The following PTPRR variants were observed in gnomAD, a reference collection of about 807,000 sequenced individuals.
PTPRR encodes protein tyrosine phosphatase receptor type R, also known as receptor-type tyrosine-protein phosphatase R.
PTPRR carries 38 observed loss-of-function variants against 77.2 expected under a neutral mutation model. The observed-to-expected ratio is 0.49, with a 90% confidence interval of 0.38 to 0.65. The LOEUF is 0.65. Among genes scored for constraint, PTPRR ranks in the 30% least tolerant of loss-of-function variants. PTPRR has a pLI of 0.00. For synonymous variants in PTPRR, 299 were observed against 283.1 expected, an observed-to-expected ratio of 1.06 and a Z score of -0.57; for missense variants, 744 against 799.2, an observed-to-expected ratio of 0.93 and a Z score of 0.83.
chr12:70,914,515 A>G (rs1399747680), intron 1 of PTPRR, among the ~76,000 whole-genome samples: 2 of 152,216 alleles, frequency 1.3e-5, no homozygotes, highest in Admixed American at 6.5e-5. Flanking sequence ...TGAAACCTTT[A>G]AGATGAAAGT....
chr12:70,823,418 G>A (rs1396145627), intron 2 of PTPRR, among the ~76,000 whole-genome samples: 2 of 152,200 alleles, frequency 1.3e-5, no homozygotes, highest in African/African-American at 4.8e-5. Context: ...GGAAAGTAGA[G>A]CAAGTGATTA....
chr12:70,671,005 T>A (rs1022494818), intron 10 of PTPRR, among the ~76,000 whole-genome samples: 2 of 152,244 alleles, frequency 1.3e-5, no homozygotes, highest in Non-Finnish European at 1.5e-5. Context: ...ATTCATTTAT[T>A]TATTTGCTAG....
chr12:70,796,263 A>T lies in PTPRR; in HGVS notation c.358-31485T>A, dbSNP rs183603227. On this transcript the variant is annotated intron_variant, in intron 2 of 13. Coordinates refer to ENST00000283228, the MANE Select transcript of PTPRR (RefSeq NM_002849.4). ...TTTAATAACAGATAATCTGTCTTCCATTTCATTTGACTACCCTGACATAGG... is the reference window on the plus strand; with the variant it reads ...TTTAATAACAGATAATCTGTCTTCCTTTTCATTTGACTACCCTGACATAGG... 4.6e-5 allele frequency among the ~76,000 whole-genome samples: 7 copies of T among 152,030 alleles called. No homozygotes were observed. The East Asian group carries it at 1.4e-3, about 30-fold the overall frequency.
intron 6 of PTPRR, among the ~76,000 whole-genome samples, chr12:70,725,940 T>G (rs1300689615): frequency 2.6e-5 from 4 of 152,162 alleles, no homozygotes; most frequent in African/African-American, 9.7e-5. Context: ...GGGACATTAC[T>G]GCGCCTGTTG....
chr12:70,811,284 T>C (rs1011092842), intron 2 of PTPRR, among the ~76,000 whole-genome samples: 7 of 152,204 alleles, frequency 4.6e-5, no homozygotes, highest in Admixed American at 1.3e-4. Flanking sequence ...CTACATTTTA[T>C]GTGGATTTTA....
chr12:70,732,465 G>A (rs931899228), intron 6 of PTPRR, among the ~76,000 whole-genome samples: 1 of 152,228 alleles, frequency 6.6e-6, no homozygotes, highest in Non-Finnish European at 1.5e-5. Flanking sequence ...ACAGCTCCAA[G>A]GGGCTCCCTC....
In PTPRR at chr12:70,893,119, T is replaced by C. The variant is rs148758796; in HGVS notation, c.59-142A>G. The C allele has an allele frequency of 3.4e-3, 3,090 of 909,654 alleles. 18 individuals are homozygous for C. Among genetic ancestry groups the C allele is most frequent in the Non-Finnish European group, 3.9e-3 (2,425 of 616,880 alleles). The allele number at this position is 909,654 out of a possible 1,614,324, so 56.3% of individuals were successfully genotyped here. On this transcript the variant is annotated intron_variant, in intron 1 of 13. Transcript: ENST00000283228. ...AGGTTAGTCTCCATATTTCTTTGTCTGCTTCATGATCCTCAACAAATAGTA... is the reference window on the plus strand; with the variant it reads ...AGGTTAGTCTCCATATTTCTTTGTCCGCTTCATGATCCTCAACAAATAGTA...
chr12:70,855,045 T>C (rs1892630194), intron 2 of PTPRR, among the ~76,000 whole-genome samples: 1 of 152,184 alleles, frequency 6.6e-6, no homozygotes, highest in Non-Finnish European at 1.5e-5. Flanking sequence ...TTGCCTAAAG[T>C]CTTCCAAATT....
At chr12:70,770,565 C>A (rs1303713426) in intron 2 of PTPRR, among the ~76,000 whole-genome samples, 3 of 152,170 alleles carry the variant, frequency 2.0e-5, no homozygotes, top group African/African-American at 7.2e-5. Context: ...GTTGGTGGGA[C>A]TGTAAACTAG....
intron 8 of PTPRR, among the ~76,000 whole-genome samples, chr12:70,694,046 G>A (rs1359368893): frequency 6.6e-6 from 1 of 152,054 alleles, no homozygotes; most frequent in Non-Finnish European, 1.5e-5. Context: ...GATGGCATAG[G>A]GAGATTAAAT....
At chr12:70,645,037 A>G (rs895985272) in intron 13 of PTPRR, among the ~76,000 whole-genome samples, 1 of 152,194 alleles carries the variant, frequency 6.6e-6, no homozygotes, top group African/African-American at 2.4e-5. Context: ...GAATCAGAGC[A>G]TATCAATGTC....
At chr12:70,786,528 T>C (rs1239987749) in intron 2 of PTPRR, among the ~76,000 whole-genome samples, 1 of 152,214 alleles carries the variant, frequency 6.6e-6, no homozygotes, top group East Asian at 1.9e-4. Context: ...TCAATAGGAA[T>C]AGACTCTTTT....
intron 2 of PTPRR, among the ~76,000 whole-genome samples, chr12:70,796,937 G>A (rs1219773872): frequency 2.0e-5 from 3 of 152,088 alleles, no homozygotes; most frequent in South Asian, 2.1e-4. Flanking sequence ...AGAATCCCTC[G>A]AACCTAGGAG....
At chr12:70,813,293 C>A (rs1891842229) in intron 2 of PTPRR, among the ~76,000 whole-genome samples, 2 of 152,206 alleles carry the variant, frequency 1.3e-5, no homozygotes, top group South Asian at 4.1e-4. Flanking sequence ...ACCATCTTTG[C>A]AAAGCCTTCT....
chr12:70,899,561 G>T (rs1893495356), intron 1 of PTPRR, among the ~76,000 whole-genome samples: 1 of 151,344 alleles, frequency 6.6e-6, no homozygotes, highest in Non-Finnish European at 1.5e-5. Flanking sequence ...AAATAGAAGA[G>T]AATGTTCTCA....
chr12:70,841,121 T>C (rs1416507422), intron 2 of PTPRR, among the ~76,000 whole-genome samples: 5 of 151,994 alleles, frequency 3.3e-5, no homozygotes, highest in African/African-American at 9.7e-5. Flanking sequence ...AAAAGCCATA[T>C]GGTCAGAAAT....
intron 2 of PTPRR, among the ~76,000 whole-genome samples, chr12:70,807,211 G>C (rs1457893492): frequency 1.3e-5 from 2 of 152,146 alleles, no homozygotes; most frequent in Non-Finnish European, 2.9e-5. Flanking sequence ...GACAAGTAAA[G>C]GGATGGGACA....
At chr12:70,683,975 CTTA>C (rs1010954730) in intron 10 of PTPRR, 149 bp downstream of exon 10, 7 of 754,128 alleles carry the variant, frequency 9.3e-6, no homozygotes, top group African/African-American at 5.3e-5. Context: ...GATAATAGCA[CTTA>C]TTATATTTGG....
chr12:70,879,179 C>T (rs1054266865), intron 2 of PTPRR, among the ~76,000 whole-genome samples: 9 of 151,922 alleles, frequency 5.9e-5, no homozygotes, highest in Non-Finnish European at 7.4e-5. Context: ...TGCAGCACAC[C>T]AACATGGCAC....
Sources: gnomAD v4.1 joint callset for allele counts (sites outside exome capture counted in the v4.1 genomes callset) on GRCh38, gnomAD v4.1.1 for gene constraint, MANE v1.5 for transcripts, NCBI Gene and HGNC (gene_info 2026-07-23, HGNC 2026-07-21) for gene names.